Variants in SCHIP1 observed in about 807,000 individuals in gnomAD.
The protein encoded by SCHIP1 is schwannomin-interacting protein 1.
In SCHIP1, 8 loss-of-function variants were observed where a neutral mutation model predicts 29.7. That is an observed-to-expected ratio of 0.27 (90% confidence interval 0.16 to 0.49). SCHIP1 has a LOEUF of 0.49. SCHIP1 is among the 20% of genes least tolerant of loss of function. SCHIP1 has a pLI of 0.99. For missense variants in SCHIP1, 193 were observed against 294.6 expected, an observed-to-expected ratio of 0.66 and a Z score of 2.52; for synonymous variants, 76 against 94.9, an observed-to-expected ratio of 0.80 and a Z score of 1.16.
At chr3:159,699,579 G>A in the SCHIP1 span, among the ~76,000 whole-genome samples, 1 of 152,194 alleles carries the variant, frequency 6.6e-6, no homozygotes, top group Non-Finnish European at 1.5e-5. Flanking sequence ...GTGGTTGTAA[G>A]GCTGTGGGAA....
the SCHIP1 span, among the ~76,000 whole-genome samples, chr3:159,830,275 GAC>G: frequency 6.6e-6 from 1 of 152,106 alleles, no homozygotes. Flanking sequence ...CTCATTGAGA[GAC>G]ACATGAATAT....
chr3:159,310,640 A>G, the SCHIP1 span, among the ~76,000 whole-genome samples: 1 of 152,176 alleles, frequency 6.6e-6, no homozygotes, highest in African/African-American at 2.4e-5. Flanking sequence ...GTATAAAATG[A>G]TAACACAATG....
At chr3:159,887,509 C>A (rs1483180280) in intron 3 of SCHIP1, 199 bp from the exon 5 acceptor site, 3 of 606,914 alleles carry the variant, frequency 4.9e-6, no homozygotes, top group Non-Finnish European at 8.7e-6. Flanking sequence ...ATACTGCTCT[C>A]TCTGTTTATG....
chr3:159,405,200 C>A, the SCHIP1 span, among the ~76,000 whole-genome samples: 2 of 152,266 alleles, frequency 1.3e-5, no homozygotes, highest in Admixed American at 1.3e-4. Flanking sequence ...ACTGCAAAGA[C>A]TACAGTAAAT....
the SCHIP1 span, among the ~76,000 whole-genome samples, chr3:159,690,591 A>G: frequency 2.9e-3 from 446 of 152,006 alleles, 6 homozygotes; most frequent in African/African-American, 0.01. Context: ...GTACCTCTAT[A>G]TCCTTCAGTT....
chr3:159,434,416 A>T, the SCHIP1 span, among the ~76,000 whole-genome samples: 1 of 152,094 alleles, frequency 6.6e-6, no homozygotes, highest in African/African-American at 2.4e-5. Flanking sequence ...CTTAAGACAC[A>T]TATGGTTCCA....
At chr3:159,627,054 G>A in the SCHIP1 span, among the ~76,000 whole-genome samples, 42 of 152,122 alleles carry the variant, frequency 2.8e-4, no homozygotes, top group East Asian at 6.8e-3. Flanking sequence ...GACGGGCCCC[G>A]GTGTGTGTTG....
the SCHIP1 span, among the ~76,000 whole-genome samples, chr3:159,305,105 G>T: frequency 6.6e-6 from 1 of 151,972 alleles, no homozygotes; most frequent in Admixed American, 6.6e-5. Context: ...CCCCTGTCCT[G>T]CCTCACCTTT....
At chr3:159,556,404 C>A in the SCHIP1 span, among the ~76,000 whole-genome samples, 1 of 151,972 alleles carries the variant, frequency 6.6e-6, no homozygotes, top group Non-Finnish European at 1.5e-5. Context: ...TTGACCCAGC[C>A]ATCCCATTAC....
At chr3:159,517,353 C>G in the SCHIP1 span, among the ~76,000 whole-genome samples, 1 of 152,058 alleles carries the variant, frequency 6.6e-6, no homozygotes. Context: ...AATCTCTGGC[C>G]TTTTCTGTGA....
chr3:159,630,816 A>G, the SCHIP1 span, among the ~76,000 whole-genome samples: 1 of 152,306 alleles, frequency 6.6e-6, no homozygotes, highest in East Asian at 1.9e-4. Flanking sequence ...AATCGCCACT[A>G]AAGAACTTAT....
chr3:159,679,722 G>A, the SCHIP1 span, among the ~76,000 whole-genome samples: 2 of 152,054 alleles, frequency 1.3e-5, no homozygotes, highest in African/African-American at 4.8e-5. Flanking sequence ...TGATGGCCCC[G>A]AGGAAGAAAG....
At chr3:159,677,502 A>G in the SCHIP1 span, among the ~76,000 whole-genome samples, 1 of 152,228 alleles carries the variant, frequency 6.6e-6, no homozygotes, top group Admixed American at 6.5e-5. Context: ...GGACCCTGAA[A>G]GTCTGAGGAT....
chr3:159,892,041 C>T, intron 5 of SCHIP1, 56 bp from the exon 7 acceptor site: 1 of 1,572,510 alleles, frequency 6.4e-7, no homozygotes, highest in Non-Finnish European at 8.6e-7. Flanking sequence ...AACTAGTTTA[C>T]ATTCTGACTT....
chr3:159,892,786 T>C (rs960099293), intron 6 of SCHIP1: 2 of 152,988 alleles, frequency 1.3e-5, no homozygotes, highest in African/African-American at 4.8e-5. Context: ...CTAATGCTGG[T>C]CAAAATTTTG....
the SCHIP1 span, among the ~76,000 whole-genome samples, chr3:159,782,385 A>G: frequency 6.6e-6 from 1 of 152,236 alleles, no homozygotes; most frequent in East Asian, 1.9e-4. Flanking sequence ...TAGCCTCTGT[A>G]ACCTTCATTA....
chr3:159,401,869 A>G, the SCHIP1 span, among the ~76,000 whole-genome samples: 1 of 152,164 alleles, frequency 6.6e-6, no homozygotes, highest in Non-Finnish European at 1.5e-5. Context: ...CTTTCTACAT[A>G]TGTCTAGCCA....
chr3:159,851,536 A>G, intron 1 of SCHIP1, among the ~76,000 whole-genome samples: 1 of 135,252 alleles, frequency 7.4e-6, no homozygotes, highest in East Asian at 2.2e-4. Flanking sequence ...GCACATAGCA[A>G]CCCCTCCCTC....
chr3:159,496,776 A>T, the SCHIP1 span, among the ~76,000 whole-genome samples: 1 of 152,172 alleles, frequency 6.6e-6, no homozygotes. Flanking sequence ...AAGGACTATA[A>T]ATCATGCTGC....
Sources: gnomAD v4.1 joint callset for allele counts (sites outside exome capture counted in the v4.1 genomes callset) on GRCh38, gnomAD v4.1.1 for gene constraint, MANE v1.5 for transcripts, NCBI Gene and HGNC (gene_info 2026-07-23, HGNC 2026-07-21) for gene names.